MAP4K1: variants seen among roughly 807,000 people sequenced by gnomAD.
MAP4K1 encodes MAPK/ERK kinase kinase kinase 1.
In MAP4K1, 35 loss-of-function variants were observed where a neutral mutation model predicts 122.8. The observed-to-expected ratio is 0.29, with a 90% CI of 0.22 to 0.38. The LOEUF (loss-of-function observed/expected upper bound fraction) is 0.38, where lower values mean the gene tolerates loss of function less well. MAP4K1 is among the 10% of genes least tolerant of loss of function. The probability of loss-of-function intolerance (pLI) is 1.00; values close to 1 mark genes in which losing one functional copy is unlikely to be tolerated. For missense variants in MAP4K1, 791 were observed against 1,072.6 expected (o/e 0.74, Z 3.67); for synonymous variants, 412 against 421.3 (o/e 0.98, Z 0.27).
At chr19:38,600,818 T>C (rs1975038049) in intron 20 of MAP4K1, among the ~76,000 whole-genome samples, 1 of 148,792 alleles carries the variant, frequency 6.7e-6, no homozygotes. Flanking sequence ...TTTTTTTTTT[T>C]TTTTTGAGAC....
chr19:38,610,339 G>C (rs890893952), intron 11 of MAP4K1, among the ~76,000 whole-genome samples: 2 of 146,524 alleles, frequency 1.4e-5, no homozygotes, highest in Non-Finnish European at 3.0e-5. Context: ...CCGAGTGGCT[G>C]TGATTACAGG....
At chr19:38,598,987 T>G (rs1433570308) in intron 22 of MAP4K1, among the ~76,000 whole-genome samples, 1 of 125,296 alleles carries the variant, frequency 8.0e-6, no homozygotes, top group Non-Finnish European at 1.6e-5. Context: ...CACTCCAGTC[T>G]GGGCAACAGA....
At chr19:38,616,557 C>T (rs968739437) in intron 3 of MAP4K1, among the ~76,000 whole-genome samples, 4 of 152,168 alleles carry the variant, frequency 2.6e-5, no homozygotes, top group South Asian at 2.1e-4. Context: ...AGAGATCTCA[C>T]GGGTTGTGGA....
chr19:38,608,198 CTG>C, intron 13 of MAP4K1, 28 bp from the exon 14 acceptor site: 1 of 1,353,514 alleles, frequency 7.4e-7, no homozygotes, highest in Non-Finnish European at 1.0e-6. Flanking sequence ...AGATAACCTG[CTG>C]TGAGCTGGGG....
chr19:38,604,296 T>C (rs538894787), intron 19 of MAP4K1, among the ~76,000 whole-genome samples: 1 of 152,290 alleles, frequency 6.6e-6, no homozygotes, highest in South Asian at 2.1e-4. Flanking sequence ...AGAGATGTTC[T>C]TTTTGTACAT....
chr19:38,595,434 C>T, intron 29 of MAP4K1, 51 bp downstream of exon 29: 1 of 1,583,118 alleles, frequency 6.3e-7, no homozygotes, highest in Non-Finnish European at 8.7e-7. Context: ...TGATGAATGT[C>T]ATGATGGAGG....
At chr19:38,602,858 A>T (rs546791846) in intron 19 of MAP4K1, among the ~76,000 whole-genome samples, 1 of 149,022 alleles carries the variant, frequency 6.7e-6, no homozygotes, top group African/African-American at 2.5e-5. Flanking sequence ...ACACATATAC[A>T]TATATACACA....
chr19:38,605,086 T>C (rs1568634150), intron 19 of MAP4K1, among the ~76,000 whole-genome samples: 1 of 124,722 alleles, frequency 8.0e-6, no homozygotes, highest in South Asian at 2.4e-4. Flanking sequence ...ACTCCGTCTT[T>C]AAAAAAAAAA....
At position 38,588,730 on chromosome 19, in the gene MAP4K1, C is replaced by T. The variant is rs183209614; in HGVS notation, c.2397-913G>A. Among the ~76,000 whole-genome samples, 183 of 143,078 alleles carry T rather than the reference C, an allele frequency of 1.3e-3. 2 individuals are homozygous for T. The highest frequency in any genetic ancestry group is 9.9e-3 in the South Asian group (44 of 4,440). The allele number at this position is 143,078 out of a possible 152,430, so 93.9% of individuals were successfully genotyped here. ...TAGCGCCAGTGCACTCCAGCCTGGG[C>T]GACAGAGCGAGCCTCTGTCTCAAAA... On this transcript the variant is annotated intron_variant, in intron 30 of 30. Transcript: ENST00000396857.
chr19:38,596,058 C>T, intron 26 of MAP4K1, 57 bp from the exon 27 acceptor site: 2 of 1,555,876 alleles, frequency 1.3e-6, no homozygotes, highest in South Asian at 1.1e-5. Context: ...TTCCCCACAC[C>T]ACCCCCAGAA....
At chr19:38,602,789 TATACACAC>T (rs201950817) in intron 19 of MAP4K1, among the ~76,000 whole-genome samples, 1,652 of 144,234 alleles carry the variant, frequency 0.011, 24 homozygotes, top group Non-Finnish European at 0.019. Context: ...CATATACATA[TATACACAC>T]ATACATATAT....
intron 30 of MAP4K1, chr19:38,589,318 GACAA>G (rs1020962833): frequency 3.5e-5 from 9 of 260,834 alleles, no homozygotes; most frequent in East Asian, 3.3e-4. Context: ...AACAACAAAA[GACAA>G]ACAAAAAACA....
intron 26 of MAP4K1, 112 bp from the exon 27 acceptor site, chr19:38,596,113 T>C (rs975422826): frequency 1.5e-6 from 2 of 1,352,236 alleles, no homozygotes; most frequent in Non-Finnish European, 2.1e-6. Flanking sequence ...CACAAGCAAG[T>C]GGGCTAAACC....
In MAP4K1 at chr19:38,597,037, G is replaced by C. The variant is rs898440682; in HGVS notation, c.1938C>G (p.Val646=). ...AGCACCCTCCCAAGCCCCTTACCCG[G>C]ACAAGCAGGAATTTGTTCATGGGCT... The part of the protein sequence containing the change: ...WYQPMNKFLL[V]RQVLFPLPTP... The change falls in exon 25 of 31, where the codon GTC becomes GTG. Residue 646 remains valine (V), a synonymous_variant. Transcript: ENST00000396857. The surrounding 1 kb of genome is among the most constrained non-coding windows in gnomAD (Gnocchi z 4.6). The C allele has an allele frequency of 6.2e-7, 1 of 1,614,000 alleles. No homozygotes were observed.
chr19:38,597,334 C>T lies in MAP4K1; in HGVS notation c.1829G>A (p.Cys610Tyr), dbSNP rs1974921171. 1 of 1,614,032 alleles carries T rather than the reference C, an allele frequency of 6.2e-7. No individual in the cohort carries two copies. The highest frequency in any genetic ancestry group is 8.5e-7 in the Non-Finnish European group (1 of 1,180,038). Reference sequence around the variant, plus strand: ...GTGAAGCTCTCTCTCACCCACACAGCACGCCCGGCAGCCTTTGGTGTCCTG... The same window carrying T: ...GTGAAGCTCTCTCTCACCCACACAGTACGCCCGGCAGCCTTTGGTGTCCTG... ...KIQDTKGCRA[C>Y]CVAEGASSGG... Residue 610 changes from cysteine to tyrosine, a missense_variant, in exon 24 of 31, where the codon TGC becomes TAC. By Grantham distance (194) the Cys-to-Tyr change is radical. Coordinates refer to ENST00000396857, the MANE Select transcript of MAP4K1 (RefSeq NM_001042600.3). The surrounding 1 kb of genome is among the most constrained non-coding windows in gnomAD (Gnocchi z 4.6).
chr19:38,617,565 C>G lies in MAP4K1; in HGVS notation c.157+3G>C, dbSNP rs1260968991. ...GGGAAGGAGCTCCATGTTCCCTCCTCACCAGGCTCCATCTTCACCATCTTC... is the reference window on the plus strand; with the variant it reads ...GGGAAGGAGCTCCATGTTCCCTCCTGACCAGGCTCCATCTTCACCATCTTC... On this transcript the variant is annotated splice_donor_region_variant and intron_variant, in intron 2 of 30. Transcript: ENST00000396857. The surrounding 1 kb of genome is among the most constrained non-coding windows in gnomAD (Gnocchi z 4.1). 6.2e-7 allele frequency: 1 copy of G among 1,614,096 alleles called. No homozygotes were observed. Among genetic ancestry groups the G allele is most frequent in the Non-Finnish European group, 8.5e-7 (1 of 1,180,002 alleles).
At chr19:38,605,360 T>G in intron 19 of MAP4K1, 49 bp downstream of exon 19, 1 of 600,624 alleles carries the variant, frequency 1.7e-6, no homozygotes, top group African/African-American at 1.9e-5. Flanking sequence ...CCACCAGGCA[T>G]CCCCAGCCCC....
chr19:38,596,183 T>G (rs1974871362), intron 26 of MAP4K1, 129 bp downstream of exon 26: 1 of 1,334,230 alleles, frequency 7.5e-7, no homozygotes, highest in Non-Finnish European at 1.0e-6. Context: ...AAACCTGCCA[T>G]TCTCCCTTCT....
intron 25 of MAP4K1, among the ~76,000 whole-genome samples, 155 bp from the exon 26 acceptor site, chr19:38,596,641 C>G (rs1974896389): frequency 6.6e-6 from 1 of 152,136 alleles, no homozygotes. Context: ...GGTGCCTCCG[C>G]GGGAACGGGG....
Sources: gnomAD v4.1 joint callset for allele counts (sites outside exome capture counted in the v4.1 genomes callset) on GRCh38, gnomAD v4.1.1 for gene constraint, Gnocchi (gnomAD v3.1) non-coding constraint, MANE v1.5 for transcripts, NCBI Gene and HGNC (gene_info 2026-07-23, HGNC 2026-07-21) for gene names.